Variants in TG observed in about 807,000 individuals in gnomAD.
TG encodes the protein thyroid hormones.
In TG, 270 loss-of-function variants were observed where a neutral mutation model predicts 324.7. The observed-to-expected ratio is 0.83, with a 90% CI of 0.75 to 0.92. The LOEUF is 0.92. Ranked by LOEUF, TG falls within the 40% of genes least tolerant of loss-of-function variation. TG has a pLI of 0.00. For synonymous variants in TG, 1,401 were observed against 1,327.0 expected (o/e 1.06, Z -1.21); for missense variants, 3,591 against 3,456.4 (o/e 1.04, Z -0.98).
chr8:132,912,957 G>T (rs1394060604), intron 19 of TG, 90 bp from the exon 20 acceptor site: 1 of 1,213,678 alleles, frequency 8.2e-7, no homozygotes, highest in South Asian at 1.3e-5. Flanking sequence ...TTCCAGTCTG[G>T]ATATTCTAGG....
intron 43 of TG, among the ~76,000 whole-genome samples, chr8:133,100,558 C>T (rs1289731461): frequency 1.3e-5 from 2 of 152,214 alleles, no homozygotes; most frequent in Non-Finnish European, 2.9e-5. Flanking sequence ...TGAAATAATT[C>T]ACCCTCACAA....
chr8:132,958,920 G>A (rs188074719), intron 27 of TG, among the ~76,000 whole-genome samples: 4 of 152,242 alleles, frequency 2.6e-5, no homozygotes, highest in African/African-American at 9.6e-5. Flanking sequence ...GGACAAGGAG[G>A]ACAAATCCAG....
intron 25 of TG, among the ~76,000 whole-genome samples, chr8:132,940,507 C>T (rs1040002462): frequency 1.3e-5 from 2 of 152,308 alleles, no homozygotes; most frequent in African/African-American, 4.8e-5. Flanking sequence ...AACAATTCTA[C>T]TTAAAAATGC....
chr8:133,087,705 A>T (rs1388437081), intron 41 of TG: 2 of 152,244 alleles, frequency 1.3e-5, no homozygotes, highest in Non-Finnish European at 2.9e-5. Flanking sequence ...GAACTCCTCC[A>T]TCATTCACTC....
intron 5 of TG, among the ~76,000 whole-genome samples, chr8:132,876,158 C>A (rs1337619664): frequency 6.6e-6 from 1 of 152,078 alleles, no homozygotes; most frequent in Admixed American, 6.6e-5. Flanking sequence ...TGCAAGGAGG[C>A]AGCCCTCCGA....
intron 27 of TG, among the ~76,000 whole-genome samples, chr8:132,957,766 C>CACACACACACACACACACAGACAG: frequency 6.9e-6 from 1 of 145,586 alleles, no homozygotes; most frequent in South Asian, 2.2e-4. Flanking sequence ...CACACACACA[C>CACACACACACACACACACAGACAG]ACACACACAC....
At chr8:133,096,633 G>A (rs1848458383) in intron 43 of TG, among the ~76,000 whole-genome samples, 1 of 152,212 alleles carries the variant, frequency 6.6e-6, no homozygotes, top group South Asian at 2.1e-4. Context: ...AAGCTCTGCA[G>A]CTCAGGGCTG....
rs1014776028 is a variant in TG at position 132,871,037 on chromosome 8, C to T, written c.275-311C>T. Among the ~76,000 whole-genome samples, 7 of 152,156 alleles carry T rather than the reference C, an allele frequency of 4.6e-5. 1 individual carries two copies. In the South Asian group the frequency reaches 1.2e-3, roughly 27 times the overall value. ...CTTCCCCAGGATCACACAGAGAGCC[C>T]GTGGAGAAAACTGGACTCAGAAAAG... On this transcript the variant is annotated intron_variant, in intron 3 of 47. Transcript: ENST00000220616.
chr8:132,949,010 C>A, intron 27 of TG, 67 bp downstream of exon 27: 3 of 1,458,578 alleles, frequency 2.1e-6, no homozygotes, highest in Non-Finnish European at 2.9e-6. Flanking sequence ...CCCTCTGCTA[C>A]TTTCTTATGA....
chr8:133,102,239 T>C (rs1849350113), intron 43 of TG, among the ~76,000 whole-genome samples: 2 of 152,218 alleles, frequency 1.3e-5, no homozygotes, highest in South Asian at 4.1e-4. Context: ...ATTTTCCAAA[T>C]TGTAGTAAAC....
intron 33 of TG, 70 bp downstream of exon 33, chr8:132,971,943 A>G (rs1829581752): frequency 4.6e-6 from 5 of 1,097,790 alleles, no homozygotes; most frequent in South Asian, 1.2e-5. Context: ...ATTCACATCT[A>G]TGCTTTTACA....
intron 47 of TG, 129 bp downstream of exon 47, chr8:133,133,789 T>C: frequency 9.6e-7 from 1 of 1,038,490 alleles, no homozygotes; most frequent in Non-Finnish European, 1.5e-6. Flanking sequence ...GCACAGCCCC[T>C]TCCTGTGAGT....
intron 41 of TG, among the ~76,000 whole-genome samples, chr8:133,056,774 G>A (rs1319140940): frequency 6.6e-6 from 1 of 152,182 alleles, no homozygotes; most frequent in East Asian, 1.9e-4. Context: ...TTACAAAGGA[G>A]GACAGAGAGA....
Position 133,095,044 on chromosome 8 carries a change from G to C in TG, c.7240G>C (p.Gly2414Arg). 3 of 1,613,382 alleles carry C rather than the reference G, an allele frequency of 1.9e-6. No individual in the cohort carries two copies. The highest frequency in any genetic ancestry group is 1.7e-5 in the Admixed American group (1 of 60,022). The change falls in exon 42 of 48, where the codon GGA (glycine) becomes CGA (arginine). Residue 2414 changes from glycine (G) to arginine (R), a missense_variant and splice_region_variant. Coordinates refer to ENST00000220616, the MANE Select transcript of TG (RefSeq NM_003235.5). ...SQLFRRAVLM[G>R]GSALSPAAVI... is the part of the protein sequence containing the mutation. ...GCCCTGAGCCTGCTTTCTCTTCCAG[G>C]GAGGCTCCGCACTCTCCCCGGCCGC...
chr8:132,990,923 T>G (rs1832243999), intron 35 of TG, among the ~76,000 whole-genome samples: 1 of 151,732 alleles, frequency 6.6e-6, no homozygotes, highest in Admixed American at 6.6e-5. Context: ...CAGTTTTTTT[T>G]TTTTTTTTTT....
At position 132,882,828 on chromosome 8, in the gene TG, G is replaced by T; in HGVS notation, c.904G>T (p.Glu302Ter). The T allele has an allele frequency of 1.2e-6, 2 of 1,614,224 alleles. No individual in the cohort carries two copies. The highest frequency in any genetic ancestry group is 8.5e-7 in the Non-Finnish European group (1 of 1,180,040). Residue 302 changes from glutamate to a stop codon, truncating the protein, a stop_gained, in exon 8 of 48, where the codon GAA becomes TAA. Coordinates refer to ENST00000220616, the MANE Select transcript of TG (RefSeq NM_003235.5). LOFTEE classifies it high-confidence loss of function. ...SGRFRCPTKC[E>*]VERFTATSFG... is the part of the protein sequence containing the mutation. Reference sequence around the variant, plus strand: ...ATTTCCTCTAGGCCCCACAAAATGTGAAGTGGAGCGGTTTACAGCAACCAG... The same window carrying T: ...ATTTCCTCTAGGCCCCACAAAATGTTAAGTGGAGCGGTTTACAGCAACCAG...
rs189201745 is a variant in TG at position 133,031,084 on chromosome 8, G to A, written c.7239+1061G>A. Reference sequence around the variant, plus strand: ...TGTGCAACCATTACTACTATCCGTCGCCAGAACAGAACCTCTGTATCCTTT... The same window carrying A: ...TGTGCAACCATTACTACTATCCGTCACCAGAACAGAACCTCTGTATCCTTT... On this transcript the variant is annotated intron_variant, in intron 41 of 47. Coordinates refer to ENST00000220616, the MANE Select transcript of TG (RefSeq NM_003235.5). Among the ~76,000 whole-genome samples the A allele has an allele frequency of 1.6e-4, 24 of 152,190 alleles. No individual in the cohort carries two copies. The East Asian group carries it at 2.9e-3, about 18-fold the overall frequency.
intron 28 of TG, among the ~76,000 whole-genome samples, chr8:132,961,579 C>G (rs1321840776): frequency 6.6e-6 from 1 of 152,180 alleles, no homozygotes; most frequent in Non-Finnish European, 1.5e-5. Context: ...CCTTCTGTTT[C>G]TTTGTCCTCC....
At chr8:133,064,667 C>T (rs536717960) in intron 41 of TG, among the ~76,000 whole-genome samples, 18 of 152,320 alleles carry the variant, frequency 1.2e-4, no homozygotes, top group South Asian at 4.1e-4. Flanking sequence ...GCGTTGCCGT[C>T]GACAACGTGG....
Sources: gnomAD v4.1 joint callset for allele counts (sites outside exome capture counted in the v4.1 genomes callset) on GRCh38, gnomAD v4.1.1 for gene constraint, MANE v1.5 for transcripts, NCBI Gene and HGNC (gene_info 2026-07-23, HGNC 2026-07-21) for gene names.